OTOG: variants seen among roughly 807,000 people sequenced by gnomAD.
OTOG encodes the protein otogelin.
OTOG carries 296 observed loss-of-function variants against 313.8 expected under a neutral mutation model. The ratio of observed to expected loss-of-function variants is 0.94; its 90% CI spans 0.86 to 1.04. OTOG has a LOEUF of 1.04. Among genes scored for constraint, OTOG ranks in the 50% least tolerant of loss-of-function variants. The pLI is 0.00. For missense variants in OTOG, 3,948 were observed against 3,840.1 expected (o/e 1.03, Z -0.74); for synonymous variants, 1,533 against 1,554.9 (o/e 0.99, Z 0.33).
intron 38 of OTOG, among the ~76,000 whole-genome samples, chr11:17,613,212 T>TTTCA (rs1853623589): frequency 8.2e-6 from 1 of 122,344 alleles, no homozygotes; most frequent in East Asian, 2.6e-4. Flanking sequence ...TCTTTCTTTC[T>TTTCA]TTCTTTCTTT....
intron 14 of OTOG, 28 bp downstream of exon 14, chr11:17,561,165 G>A: frequency 6.5e-7 from 1 of 1,550,322 alleles, no homozygotes; most frequent in South Asian, 1.2e-5. Flanking sequence ...CTTGCACTAG[G>A]ATCCCTTCTA....
At chr11:17,565,840 T>A (rs1852283644) in intron 15 of OTOG, among the ~76,000 whole-genome samples, 1 of 151,966 alleles carries the variant, frequency 6.6e-6, no homozygotes, top group Admixed American at 6.5e-5. Flanking sequence ...GGGGCTTGAG[T>A]GTGTGTGTGT....
intron 32 of OTOG, among the ~76,000 whole-genome samples, chr11:17,604,564 C>T (rs138733938): frequency 9.1e-4 from 138 of 152,340 alleles, no homozygotes; most frequent in Middle Eastern, 3.4e-3. Flanking sequence ...GGCCTCTCTT[C>T]CCTCCTCTGT....
At chr11:17,550,200 G>T (rs1187854601) in intron 3 of OTOG, among the ~76,000 whole-genome samples, 2 of 152,136 alleles carry the variant, frequency 1.3e-5, no homozygotes, top group African/African-American at 4.8e-5. Context: ...TATAGATGTT[G>T]CTGTCTCAAG....
At chr11:17,597,084 C>A in intron 30 of OTOG, 77 bp downstream of exon 30, 1 of 1,495,364 alleles carries the variant, frequency 6.7e-7, no homozygotes, top group South Asian at 1.3e-5. Flanking sequence ...TACTGGCAGT[C>A]TGTCTAGCAT....
At chr11:17,547,641 C>A in intron 1 of OTOG, 175 bp downstream of exon 1, 1 of 1,193,012 alleles carries the variant, frequency 8.4e-7, no homozygotes, top group South Asian at 3.5e-5. Flanking sequence ...CCAACAGAGG[C>A]AGGCCTATGA....
At chr11:17,575,006 G>A (rs1030484059) in intron 20 of OTOG, 94 bp downstream of exon 20, 1 of 1,249,444 alleles carries the variant, frequency 8.0e-7, no homozygotes, top group Non-Finnish European at 1.1e-6. Context: ...TGGGCCTCTT[G>A]TGTCCCTCCT....
Position 17,641,990 on chromosome 11 carries a change from C to CAGAAGG in OTOG, c.8295+40_8295+45dup. The CAGAAGG allele has an allele frequency of 1.9e-6, 3 of 1,541,772 alleles. No homozygotes were observed. In the East Asian group the frequency reaches 7.3e-5, roughly 38 times the overall value. On this transcript the variant is annotated intron_variant, in intron 52 of 55. Coordinates refer to ENST00000399397, the MANE Select transcript of OTOG (RefSeq NM_001292063.2). ...TCGCTGCCCACTTAGGAGGGTGTCC[C>CAGAAGG]AGAAGGGGACACCAGGACTAGGGCC... is the stretch of plus-strand genomic sequence containing the variant.
rs1235670163 is a variant in OTOG at position 17,637,228 on chromosome 11, C to CT, written c.7796-1214dup. ...AAAATCAGCTCATCCTGGACATACT[C>CT]TTTTTTTTTAAACTGGCTGTTTTCA... On this transcript the variant is annotated intron_variant, in intron 47 of 55. Transcript: ENST00000399397. 2.6e-5 allele frequency among the ~76,000 whole-genome samples: 4 copies of CT among 151,614 alleles called. No homozygotes were observed. The East Asian group carries it at 5.8e-4, about 22-fold the overall frequency.
At chr11:17,574,388 G>A (rs1852471334) in intron 19 of OTOG, among the ~76,000 whole-genome samples, 1 of 152,092 alleles carries the variant, frequency 6.6e-6, no homozygotes, top group Non-Finnish European at 1.5e-5. Flanking sequence ...GTGGGTGCAG[G>A]GCCTTAGCAG....
intron 10 of OTOG, 92 bp from the exon 11 acceptor site, chr11:17,558,960 T>C: frequency 2.0e-6 from 2 of 1,013,180 alleles, no homozygotes; most frequent in Non-Finnish European, 3.0e-6. Context: ...AGAGGAGAGA[T>C]GCCCTGAAGC....
chr11:17,596,131 G>T lies in OTOG; in HGVS notation c.3502G>T (p.Val1168Leu), dbSNP rs1307508152. 6.4e-7 allele frequency: 1 copy of T among 1,550,520 alleles called. No homozygotes were observed. The highest frequency in any genetic ancestry group is 2.0e-5 in the Admixed American group (1 of 51,000). Residue 1168 changes from valine to leucine, a missense_variant, in exon 29 of 56, where the codon GTG becomes TTG. Transcript: ENST00000399397. Reference sequence around the variant, plus strand: ...GGAGTGCAGCATCCTGCTCAGTGAGGTGTTTGAGATCTGCCACCCTGTGGT... The same window carrying T: ...GGAGTGCAGCATCCTGCTCAGTGAGTTGTTTGAGATCTGCCACCCTGTGGT... ...KKECSILLSE[V>L]FEICHPVVDV...
rs77028153 is a variant in OTOG at position 17,618,988 on chromosome 11, C to T, written c.6528+5287C>T. On this transcript the variant is annotated intron_variant, in intron 39 of 55. Coordinates refer to ENST00000399397, the MANE Select transcript of OTOG (RefSeq NM_001292063.2). ...TTTTATTTAAAGTGGGATTTTTGGC[C>T]GGCATGTAGGCTCATGCCTGTAATT... 3.0e-3 allele frequency among the ~76,000 whole-genome samples: 455 copies of T among 152,076 alleles called. 3 individuals carry two copies. The highest frequency in any genetic ancestry group is 0.01 in the African/African-American group (426 of 41,460).
chr11:17,611,541 C>T (rs983823758), intron 36 of OTOG, 118 bp downstream of exon 36: 3 of 1,138,476 alleles, frequency 2.6e-6, no homozygotes, highest in Non-Finnish European at 3.6e-6. Context: ...GCTCCTGGTC[C>T]CTGAAAAATT....
chr11:17,638,472 C>T lies in OTOG; in HGVS notation c.7817C>T (p.Pro2606Leu), dbSNP rs1419983654. Residue 2606 changes from proline (P) to leucine (L), a missense_variant, in exon 48 of 56, where the codon CCC becomes CTC. Physicochemically the swap from Pro to Leu is moderately conservative, Grantham distance 98. Coordinates refer to ENST00000399397, the MANE Select transcript of OTOG (RefSeq NM_001292063.2). ...YQCVCENFRC[P>L]QVQCGLGTAL... The stretch of plus-strand genomic sequence containing the variant: ...ACAGTGTGTGAGAACTTCCGCTGTC[C>T]CCAAGTGCAGTGTGGCCTGGGCACT... 2 of 1,549,852 alleles carry T rather than the reference C, an allele frequency of 1.3e-6. No homozygotes were observed. The highest frequency in any genetic ancestry group is 1.7e-6 in the Non-Finnish European group (2 of 1,146,954).
intron 38 of OTOG, among the ~76,000 whole-genome samples, chr11:17,613,030 G>T (rs1406061729): frequency 1.3e-5 from 2 of 152,182 alleles, no homozygotes; most frequent in Admixed American, 6.5e-5. Context: ...TAGGAGGGAT[G>T]GCACAGTAGT....
chr11:17,594,473 C>T (rs990902979), intron 28 of OTOG, among the ~76,000 whole-genome samples: 1 of 152,142 alleles, frequency 6.6e-6, no homozygotes, highest in Non-Finnish European at 1.5e-5. Flanking sequence ...CTTCCCAGTG[C>T]CTGGCACTAG....
chr11:17,610,257 G>T lies in OTOG; in HGVS notation c.4957G>T (p.Ala1653Ser). The change falls in exon 36 of 56, where the codon GCC (alanine) becomes TCC (serine). Residue 1653 changes from alanine (A) to serine (S), a missense_variant. By Grantham distance (99) the Ala-to-Ser change is moderately conservative. Transcript: ENST00000399397. The part of the protein sequence containing the change: ...PSSRPVASPG[A>S]ISRSPTSSGS... ...CTCCAGACCTGTGGCTTCCCCTGGA[G>T]CCATCTCCAGGTCCCCCACCTCCTC... The T allele has an allele frequency of 6.4e-7, 1 of 1,550,590 alleles. No individual in the cohort carries two copies. The highest frequency in any genetic ancestry group is 8.7e-7 in the Non-Finnish European group (1 of 1,146,970).
In OTOG at chr11:17,576,918, G is replaced by T. The variant is rs536044377; in HGVS notation, c.2605+7G>T. On this transcript the variant is annotated splice_region_variant and intron_variant, in intron 22 of 55. Coordinates refer to ENST00000399397, the MANE Select transcript of OTOG (RefSeq NM_001292063.2). The stretch of plus-strand genomic sequence containing the variant: ...TGTGATAGCAGAGCCCCAGGTAAGG[G>T]TGGGTGGAGGGGTGGAGCCCTTCTG... The T allele has an allele frequency of 6.5e-7, 1 of 1,550,268 alleles. No homozygotes were observed. Among genetic ancestry groups the T allele is most frequent in the Non-Finnish European group, 8.7e-7 (1 of 1,146,922 alleles).
Sources: gnomAD v4.1 joint callset for allele counts (sites outside exome capture counted in the v4.1 genomes callset) on GRCh38, gnomAD v4.1.1 for gene constraint, MANE v1.5 for transcripts, NCBI Gene and HGNC (gene_info 2026-07-23, HGNC 2026-07-21) for gene names.